The following SGCZ variants were observed in gnomAD, a reference collection of about 807,000 sequenced individuals.
SGCZ encodes the protein zeta-sarcoglycan.
A neutral mutation model predicts 41.3 loss-of-function variants in SGCZ; 40 were observed. That is an observed-to-expected ratio of 0.97 (90% CI 0.75 to 1.26). The LOEUF (loss-of-function observed/expected upper bound fraction) is 1.26, where lower values mean the gene tolerates loss of function less well. SGCZ is among the 50% of genes most tolerant of loss of function. The probability of loss-of-function intolerance (pLI) is 0.00; values close to 1 mark genes in which losing one functional copy is unlikely to be tolerated. For missense variants in SGCZ, 552 were observed against 369.8 expected (o/e 1.49, Z -4.04); for synonymous variants, 206 against 137.5 (o/e 1.50, Z -3.49).
chr8:14,931,989 A>G (rs1284159276), intron 1 of SGCZ, among the ~76,000 whole-genome samples: 1 of 152,100 alleles, frequency 6.6e-6, no homozygotes, highest in South Asian at 2.1e-4. Flanking sequence ...GTCCTGCATC[A>G]TATTTCCATA....
chr8:14,514,899 GTTCT>G (rs1352000578), intron 2 of SGCZ, among the ~76,000 whole-genome samples: 2 of 149,874 alleles, frequency 1.3e-5, no homozygotes, highest in Admixed American at 6.7e-5. Flanking sequence ...ATTTCCATTT[GTTCT>G]TTCTATTATG....
chr8:14,809,557 A>G (rs1477173029), intron 1 of SGCZ, among the ~76,000 whole-genome samples: 1 of 152,152 alleles, frequency 6.6e-6, no homozygotes, highest in Non-Finnish European at 1.5e-5. Context: ...TTTTGACAAT[A>G]TTTCAATGGT....
intron 2 of SGCZ, among the ~76,000 whole-genome samples, chr8:14,350,298 T>C (rs1803042490): frequency 6.6e-6 from 1 of 152,024 alleles, no homozygotes; most frequent in Non-Finnish European, 1.5e-5. Flanking sequence ...TCTGGGGATA[T>C]GCATCTGTTT....
rs140279744 is a variant in SGCZ at position 14,644,924 on chromosome 8, T to C, written c.40-89998A>G. Among the ~76,000 whole-genome samples the C allele has an allele frequency of 2.1e-3, 293 of 140,652 alleles. 2 individuals carry two copies. The highest frequency in any genetic ancestry group is 1.3e-3 in the Non-Finnish European group (86 of 65,016). The allele number at this position is 140,652 out of a possible 152,430, so 92.3% of individuals were successfully genotyped here. ...CCAACCTCTTGACAGAAATATAAAATATAAAGCCTTTGTGTAGTTGCATAA... is the reference window on the plus strand; with the variant it reads ...CCAACCTCTTGACAGAAATATAAAACATAAAGCCTTTGTGTAGTTGCATAA... On this transcript the variant is annotated intron_variant, in intron 1 of 7. Transcript: ENST00000382080.
intron 1 of SGCZ, among the ~76,000 whole-genome samples, chr8:15,096,975 G>A (rs1169494338): frequency 2.6e-5 from 4 of 152,078 alleles, no homozygotes; most frequent in Admixed American, 6.6e-5. Context: ...GTGAGCCACC[G>A]CACCTAGCCT....
chr8:14,660,589 A>AAG (rs1554475184), intron 1 of SGCZ, among the ~76,000 whole-genome samples: 12 of 151,104 alleles, frequency 7.9e-5, no homozygotes, highest in South Asian at 2.1e-4. Context: ...AAAAAAAAAA[A>AAG]AGAGAGAAAA....
At chr8:14,656,483 T>C (rs1807578417) in intron 1 of SGCZ, among the ~76,000 whole-genome samples, 1 of 148,178 alleles carries the variant, frequency 6.7e-6, no homozygotes, top group African/African-American at 2.5e-5. Flanking sequence ...CTTCTCTTTC[T>C]CCCTCTCTTT....
chr8:14,455,071 A>G (rs994156378), intron 2 of SGCZ, among the ~76,000 whole-genome samples: 4 of 152,144 alleles, frequency 2.6e-5, no homozygotes, highest in African/African-American at 9.7e-5. Context: ...AAACACCACA[A>G]GAGCAGTCAG....
At chr8:14,544,286 T>C (rs577725126) in intron 2 of SGCZ, among the ~76,000 whole-genome samples, 4 of 152,274 alleles carry the variant, frequency 2.6e-5, no homozygotes, top group African/African-American at 9.6e-5. Context: ...TCAGAACCAC[T>C]GTGATAACTG....
At chr8:14,406,053 A>G (rs1211837435) in intron 2 of SGCZ, among the ~76,000 whole-genome samples, 2 of 152,062 alleles carry the variant, frequency 1.3e-5, no homozygotes, top group East Asian at 1.9e-4. Context: ...CAAATAACCC[A>G]TCAAATATAT....
At chr8:14,588,498 T>TA (rs1423528276) in intron 1 of SGCZ, among the ~76,000 whole-genome samples, 1 of 152,124 alleles carries the variant, frequency 6.6e-6, no homozygotes, top group African/African-American at 2.4e-5. Context: ...GTTCACTAAT[T>TA]AAAAATTTTG....
chr8:14,648,077 G>T (rs895230442), intron 1 of SGCZ, among the ~76,000 whole-genome samples: 1 of 151,842 alleles, frequency 6.6e-6, no homozygotes, highest in Non-Finnish European at 1.5e-5. Context: ...TTGACAGGGA[G>T]TGACCTAAGC....
At position 14,767,634 on chromosome 8, in the gene SGCZ, C is replaced by G. The variant is rs545143812; in HGVS notation, c.40-212708G>C. Among the ~76,000 whole-genome samples, 3 of 152,200 alleles carry G rather than the reference C, an allele frequency of 2.0e-5. No homozygotes were observed. The South Asian group carries it at 6.2e-4, about 32-fold the overall frequency. On this transcript the variant is annotated intron_variant, in intron 1 of 7. Transcript: ENST00000382080. Reference sequence around the variant, plus strand: ...GGTGAACCATTCTCTTTATTTCAAACGAAATTTTATTCGGAATCTTAATAT... The same window carrying G: ...GGTGAACCATTCTCTTTATTTCAAAGGAAATTTTATTCGGAATCTTAATAT...
At position 14,114,904 on chromosome 8, in the gene SGCZ, C is replaced by G. The variant is rs187286326; in HGVS notation, c.548-6669G>C. 1.1e-4 allele frequency among the ~76,000 whole-genome samples: 16 copies of G among 151,730 alleles called. No individual in the cohort carries two copies. The East Asian group carries it at 2.9e-3, about 27-fold the overall frequency. ...CTTTTAGTCAACAATAAGAGTAATA[C>G]TTGAAATTTAAAATCACATGTAAAG... On this transcript the variant is annotated intron_variant, in intron 5 of 7. Coordinates refer to ENST00000382080, the MANE Select transcript of SGCZ (RefSeq NM_139167.4).
intron 3 of SGCZ, among the ~76,000 whole-genome samples, chr8:14,293,951 C>T (rs1315716345): frequency 2.6e-5 from 4 of 151,668 alleles, no homozygotes; most frequent in Non-Finnish European, 5.9e-5. Flanking sequence ...TCAAGACATA[C>T]ATATCTCTAA....
At chr8:14,192,063 G>C (rs1198099310) in intron 4 of SGCZ, among the ~76,000 whole-genome samples, 1 of 152,050 alleles carries the variant, frequency 6.6e-6, no homozygotes, top group East Asian at 1.9e-4. Flanking sequence ...GTAGAAAAAT[G>C]TCATTTAATC....
At chr8:14,148,774 T>C (rs1307928639) in intron 5 of SGCZ, among the ~76,000 whole-genome samples, 1 of 152,090 alleles carries the variant, frequency 6.6e-6, no homozygotes, top group African/African-American at 2.4e-5. Flanking sequence ...TGAATATTGA[T>C]GCAAAAATCT....
At chr8:14,772,567 C>G (rs1178897090) in intron 1 of SGCZ, among the ~76,000 whole-genome samples, 1 of 139,334 alleles carries the variant, frequency 7.2e-6, no homozygotes, top group Non-Finnish European at 1.6e-5. Flanking sequence ...TCCTAATGCT[C>G]TCCCTCCCCC....
intron 7 of SGCZ, among the ~76,000 whole-genome samples, chr8:14,101,776 TAAAAAAAA>T (rs879661919): frequency 7.1e-6 from 1 of 141,812 alleles, no homozygotes; most frequent in East Asian, 2.0e-4. Context: ...TAACAAGAAT[TAAAAAAAA>T]AAAAAGGACT....
Sources: allele counts gnomAD v4.1 joint callset (sites outside exome capture counted in the v4.1 genomes callset), GRCh38; gene constraint gnomAD v4.1.1; transcripts MANE v1.5; gene names NCBI Gene and HGNC (gene_info 2026-07-23, HGNC 2026-07-21).